CELF2: variants seen among roughly 807,000 people sequenced by gnomAD.
CELF2 encodes CUGBP Elav-like family member 2.
Under a neutral mutation model 62.6 loss-of-function variants are expected in CELF2, and 8 were observed. The observed-to-expected ratio is 0.13, with a 90% CI of 0.07 to 0.23. The LOEUF (loss-of-function observed/expected upper bound fraction) is 0.23, where lower values mean the gene tolerates loss of function less well. Ranked by LOEUF, CELF2 falls within the 10% of genes least tolerant of loss-of-function variation. The pLI is 1.00. For synonymous variants in CELF2, 258 were observed against 250.0 expected, an observed-to-expected ratio of 1.03 and a Z score of -0.30; for missense variants, 333 against 671.0, an observed-to-expected ratio of 0.50 and a Z score of 5.56.
chr10:10,647,820 A>G, the CELF2 span, among the ~76,000 whole-genome samples: 3 of 152,220 alleles, frequency 2.0e-5, no homozygotes, highest in African/African-American at 4.8e-5. Context: ...TGCTATTCCA[A>G]AAAGATTCCA....
At chr10:10,882,375 G>T (rs148589622) in intron 1 of CELF2, among the ~76,000 whole-genome samples, 4 of 152,226 alleles carry the variant, frequency 2.6e-5, no homozygotes, top group African/African-American at 9.6e-5. Context: ...GGTTTCCCTC[G>T]TAGTTTGTTT....
the CELF2 span, among the ~76,000 whole-genome samples, chr10:10,473,183 C>T: frequency 3.0e-3 from 456 of 151,968 alleles, 3 homozygotes; most frequent in African/African-American, 0.011. Context: ...TAAGCTGGGC[C>T]CCTAATCCAA....
chr10:11,197,052 A>AGAGAGAAGGAAAGAGAGAAG (rs1565232973), intron 2 of CELF2, among the ~76,000 whole-genome samples: 359 of 31,674 alleles, frequency 0.011, 63 homozygotes, highest in African/African-American at 0.043. Flanking sequence ...AAAGAAAGAA[A>AGAGAGAAGGAAAGAGAGAAG]GAAAGAAAAG....
At chr10:10,553,793 G>T in the CELF2 span, among the ~76,000 whole-genome samples, 11,080 of 152,208 alleles carry the variant, frequency 0.073, 526 homozygotes, top group Non-Finnish European at 0.1. Context: ...GTTCAAGGAG[G>T]TCACTATGAA....
At chr10:10,761,905 CGTGTGTGTGTGTGTGT>C in the CELF2 span, among the ~76,000 whole-genome samples, 57 of 128,970 alleles carry the variant, frequency 4.4e-4, no homozygotes, top group African/African-American at 1.3e-3. Flanking sequence ...TATAATAAAC[CGTGTGTGTGTGTGTGT>C]GTGTGTGTGT....
chr10:10,602,835 T>G, the CELF2 span, among the ~76,000 whole-genome samples: 2 of 152,118 alleles, frequency 1.3e-5, no homozygotes, highest in South Asian at 2.1e-4. Context: ...TCTTCTGTTT[T>G]CAACAACTTG....
chr10:11,173,627 A>G (rs2069789606), intron 2 of CELF2, among the ~76,000 whole-genome samples: 1 of 152,150 alleles, frequency 6.6e-6, no homozygotes, highest in South Asian at 2.1e-4. Flanking sequence ...AAAAGACTGA[A>G]TTTTCATCCT....
Position 11,224,521 on chromosome 10 carries a change from G to A in CELF2, c.354+7014G>A, listed in dbSNP as rs1313717264. Among the ~76,000 whole-genome samples the A allele has an allele frequency of 6.6e-6, 1 of 152,192 alleles. No homozygotes were observed. The highest frequency in any genetic ancestry group is 1.5e-5 in the Non-Finnish European group (1 of 68,044). On this transcript the variant is annotated intron_variant, in intron 3 of 12. Coordinates refer to ENST00000633077, the MANE Select transcript of CELF2 (RefSeq NM_001326342.2). This position sits in a 1 kb window ranked among gnomAD's most constrained non-coding sequence, Gnocchi z 4.5. ...GATAGGATTTCAAAAGAAGATTGTG[G>A]GGGAGGCGGGGGATCCATGAATTTG... is the stretch of plus-strand genomic sequence containing the variant.
At chr10:10,586,090 A>G in the CELF2 span, among the ~76,000 whole-genome samples, 1 of 152,202 alleles carries the variant, frequency 6.6e-6, no homozygotes, top group Non-Finnish European at 1.5e-5. Flanking sequence ...AAAATAAGGC[A>G]TGCTTTCAAG....
chr10:10,750,479 T>C, the CELF2 span, among the ~76,000 whole-genome samples: 1 of 152,218 alleles, frequency 6.6e-6, no homozygotes, highest in Non-Finnish European at 1.5e-5. Context: ...TTACTGTGCA[T>C]TGACATGGGT....
chr10:11,081,804 T>A (rs1167352071), intron 1 of CELF2, among the ~76,000 whole-genome samples: 1 of 152,242 alleles, frequency 6.6e-6, no homozygotes, highest in African/African-American at 2.4e-5. Flanking sequence ...TTCCTTGATA[T>A]TCTTTACCTT....
intron 2 of CELF2, among the ~76,000 whole-genome samples, chr10:11,168,770 G>T (rs957328770): frequency 6.6e-6 from 1 of 152,104 alleles, no homozygotes. Flanking sequence ...CTGTTTAGTC[G>T]TGAGACACAA....
chr10:10,567,236 AT>A, the CELF2 span, among the ~76,000 whole-genome samples: 1 of 152,212 alleles, frequency 6.6e-6, no homozygotes, highest in Admixed American at 6.5e-5. Context: ...AACTGCCTTT[AT>A]TTTAAAACTA....
At chr10:10,604,455 G>A in the CELF2 span, among the ~76,000 whole-genome samples, 1 of 152,202 alleles carries the variant, frequency 6.6e-6, no homozygotes, top group Non-Finnish European at 1.5e-5. Flanking sequence ...CCTCATGGTA[G>A]TAGTCGAAGT....
intron 1 of CELF2, among the ~76,000 whole-genome samples, chr10:11,044,182 A>G (rs1252054887): frequency 6.6e-6 from 1 of 152,046 alleles, no homozygotes; most frequent in Non-Finnish European, 1.5e-5. Flanking sequence ...TATCCCCTTC[A>G]TCGCATTTTT....
At chr10:11,266,811 C>A (rs1371458951) in intron 6 of CELF2, 134 bp downstream of exon 6, 7 of 610,688 alleles carry the variant, frequency 1.1e-5, no homozygotes, top group Admixed American at 3.2e-5. Flanking sequence ...TTCATTCATT[C>A]ATTCTCATTC....
At chr10:10,652,019 G>A in the CELF2 span, among the ~76,000 whole-genome samples, 1 of 150,758 alleles carries the variant, frequency 6.6e-6, no homozygotes, top group Non-Finnish European at 1.5e-5. Flanking sequence ...ATACAGAGAA[G>A]TGCTTAAAGG....
At chr10:10,735,815 A>G in the CELF2 span, among the ~76,000 whole-genome samples, 1 of 152,158 alleles carries the variant, frequency 6.6e-6, no homozygotes, top group Non-Finnish European at 1.5e-5. Context: ...CCCTTCCTAG[A>G]GAAAGTTAAA....
At chr10:10,537,349 G>A in the CELF2 span, among the ~76,000 whole-genome samples, 1 of 152,140 alleles carries the variant, frequency 6.6e-6, no homozygotes, top group Non-Finnish European at 1.5e-5. Context: ...ACAACATTAA[G>A]GGAAACTTCA....
Sources: gnomAD v4.1 joint callset for allele counts (sites outside exome capture counted in the v4.1 genomes callset) on GRCh38, gnomAD v4.1.1 for gene constraint, Gnocchi (gnomAD v3.1) non-coding constraint, MANE v1.5 for transcripts, NCBI Gene and HGNC (gene_info 2026-07-23, HGNC 2026-07-21) for gene names.